The following TNFRSF10D variants were observed in gnomAD, a reference collection of about 807,000 sequenced individuals.
The protein encoded by TNFRSF10D is TNF receptor superfamily member 10d, also known as tumor necrosis factor receptor superfamily member 10D.
A neutral mutation model predicts 42.1 loss-of-function variants in TNFRSF10D; 28 were observed. The observed-to-expected ratio is 0.66, with a 90% CI of 0.49 to 0.91. TNFRSF10D has a LOEUF of 0.91. TNFRSF10D is among the 40% of genes least tolerant of loss of function. The probability of loss-of-function intolerance (pLI) is 0.00; values close to 1 mark genes in which losing one functional copy is unlikely to be tolerated. For missense variants in TNFRSF10D, 503 were observed against 486.1 expected (o/e 1.03, Z -0.33); for synonymous variants, 186 against 189.4 (o/e 0.98, Z 0.15).
At position 23,147,461 on chromosome 8, in the gene TNFRSF10D, C is replaced by T. The variant is rs930604965; in HGVS notation, c.371-389G>A. Among the ~76,000 whole-genome samples, 3 of 152,318 alleles carry T rather than the reference C, an allele frequency of 2.0e-5. No individual in the cohort carries two copies. In the East Asian group the frequency reaches 5.8e-4, roughly 29 times the overall value. On this transcript the variant is annotated intron_variant, in intron 3 of 8. Transcript: ENST00000312584. The stretch of plus-strand genomic sequence containing the variant: ...CTGAAGGCTAAGTGAGGCCAAGCAC[C>T]TTTCAGGAGCACAGAGCCCGGGAGG...
Position 23,150,002 on chromosome 8 carries a change from T to G in TNFRSF10D, c.257-1451A>C, listed in dbSNP as rs183056757. On this transcript the variant is annotated intron_variant, in intron 2 of 8. Transcript: ENST00000312584. The stretch of plus-strand genomic sequence containing the variant: ...AATCATCCAACATGTCCCTATGGAA[T>G]AAAGAACCAGAAAGTGCAGGAAACA... Among the ~76,000 whole-genome samples the G allele has an allele frequency of 8.7e-4, 132 of 152,190 alleles. No homozygotes were observed. The South Asian group carries it at 0.014, about 16-fold the overall frequency.
chr8:23,160,348 G>A (rs371532881), intron 1 of TNFRSF10D, among the ~76,000 whole-genome samples: 911 of 152,108 alleles, frequency 6.0e-3, no homozygotes, highest in African/African-American at 0.019. Flanking sequence ...CACAGGGAGG[G>A]GACTCCGAAG....
At chr8:23,158,075 T>C (rs146507825) in intron 1 of TNFRSF10D, among the ~76,000 whole-genome samples, 3,178 of 152,260 alleles carry the variant, frequency 0.021, 63 homozygotes, top group African/African-American at 0.071. Context: ...AGTCCGGCTG[T>C]GCACTGTTTC....
chr8:23,144,275 G>A (rs1335073719), intron 7 of TNFRSF10D, among the ~76,000 whole-genome samples, 175 bp downstream of exon 7: 8 of 152,196 alleles, frequency 5.3e-5, no homozygotes, highest in African/African-American at 1.7e-4. Flanking sequence ...CAGATGTCCT[G>A]CAGACTGGCA....
At chr8:23,161,910 C>CTCCA (rs1800372574) in intron 1 of TNFRSF10D, among the ~76,000 whole-genome samples, 1 of 152,132 alleles carries the variant, frequency 6.6e-6, no homozygotes, top group Non-Finnish European at 1.5e-5. Context: ...GCCCAATAAG[C>CTCCA]TGGTGCGCAT....
chr8:23,144,686 G>A (rs780606279), intron 6 of TNFRSF10D, 51 bp from the exon 7 acceptor site: 21 of 1,583,738 alleles, frequency 1.3e-5, no homozygotes, highest in Non-Finnish European at 1.8e-5. Context: ...CTCAGCTTCA[G>A]GGTCCCCAGT....
In TNFRSF10D at chr8:23,135,912, C is replaced by T; in HGVS notation, c.*1958G>A. 4 of 450,500 alleles carry T rather than the reference C, an allele frequency of 8.9e-6. No individual in the cohort carries two copies. The highest frequency in any genetic ancestry group is 1.8e-5 in the Non-Finnish European group (4 of 224,836). 27.9% of individuals were successfully genotyped at this position (450,500 alleles called of 1,614,324 possible). A position where few individuals can be genotyped will look rare whatever the true frequency, so the allele number is the denominator to read the frequency against. On this transcript the variant is annotated 3_prime_UTR_variant, in exon 9 of 9. Coordinates refer to ENST00000312584, the MANE Select transcript of TNFRSF10D (RefSeq NM_003840.5). ...CCCAGCAAAGGCAAAGACTAGGAGG[C>T]AGCAGCACCCTGTGTCATCCAGAAG... is the stretch of plus-strand genomic sequence containing the variant.
intron 1 of TNFRSF10D, among the ~76,000 whole-genome samples, chr8:23,158,977 T>C (rs924902063): frequency 2.6e-5 from 4 of 152,206 alleles, no homozygotes; most frequent in Non-Finnish European, 5.9e-5. Context: ...TTTGCTCCTA[T>C]GTCCCCAGCA....
intron 7 of TNFRSF10D, among the ~76,000 whole-genome samples, chr8:23,143,225 C>T (rs1800058117): frequency 6.6e-6 from 1 of 150,376 alleles, no homozygotes. Flanking sequence ...ATCCACCCTC[C>T]TCGGCCTCCC....
At chr8:23,145,342 C>G (rs1800099737) in intron 5 of TNFRSF10D, among the ~76,000 whole-genome samples, 1 of 152,228 alleles carries the variant, frequency 6.6e-6, no homozygotes, top group African/African-American at 2.4e-5. Flanking sequence ...ATCCCACGAC[C>G]ACTTCTCATC....
At chr8:23,152,299 C>G (rs973372096) in intron 2 of TNFRSF10D, among the ~76,000 whole-genome samples, 1 of 152,116 alleles carries the variant, frequency 6.6e-6, no homozygotes, top group Non-Finnish European at 1.5e-5. Context: ...CTATCCAGTC[C>G]GAGGACACTA....
At chr8:23,145,175 T>TG (rs1189586248) in intron 5 of TNFRSF10D, 86 bp from the exon 6 acceptor site, 2 of 1,565,444 alleles carry the variant, frequency 1.3e-6, no homozygotes, top group Non-Finnish European at 1.7e-6. Context: ...CAGGGCTGGC[T>TG]GGGGGCTGGG....
intron 1 of TNFRSF10D, among the ~76,000 whole-genome samples, chr8:23,159,047 C>A (rs115427225): frequency 4.1e-3 from 623 of 151,544 alleles, no homozygotes; most frequent in African/African-American, 0.013. Flanking sequence ...TGAGGAATCA[C>A]ATGGTATGCA....
intron 2 of TNFRSF10D, among the ~76,000 whole-genome samples, chr8:23,150,636 T>C (rs1465392885): frequency 2.0e-5 from 3 of 152,156 alleles, no homozygotes; most frequent in Non-Finnish European, 4.4e-5. Context: ...CTAGAGAATA[T>C]GGATAGACAA....
At chr8:23,162,074 T>C (rs7463789) in intron 1 of TNFRSF10D, among the ~76,000 whole-genome samples, 14,034 of 152,286 alleles carry the variant, frequency 0.092, 830 homozygotes, top group Middle Eastern at 0.17. Context: ...CTTACCCATG[T>C]AGTAAAATAC....
At chr8:23,155,063 A>T in intron 1 of TNFRSF10D, 84 bp from the exon 2 acceptor site, 1 of 1,111,436 alleles carries the variant, frequency 9.0e-7, no homozygotes, top group Non-Finnish European at 1.3e-6. Flanking sequence ...CTTCACCCCA[A>T]GTGACAAAAC....
chr8:23,154,991 A>G lies in TNFRSF10D; in HGVS notation c.151-12T>C. ...GAGTCAACCCGGACCTGTGGGGACAAGGCAGAGATGGGCTTGAGTGGCTTC... is the reference window on the plus strand; with the variant it reads ...GAGTCAACCCGGACCTGTGGGGACAGGGCAGAGATGGGCTTGAGTGGCTTC... On this transcript the variant is annotated splice_polypyrimidine_tract_variant and intron_variant, in intron 1 of 8. Coordinates refer to ENST00000312584, the MANE Select transcript of TNFRSF10D (RefSeq NM_003840.5). 1 of 1,598,906 alleles carries G rather than the reference A, an allele frequency of 6.3e-7. No homozygotes were observed. Among genetic ancestry groups the G allele is most frequent in the Non-Finnish European group, 8.5e-7 (1 of 1,173,006 alleles).
At position 23,135,818 on chromosome 8, in the gene TNFRSF10D, A is replaced by G; in HGVS notation, c.*2052T>C. On this transcript the variant is annotated 3_prime_UTR_variant, in exon 9 of 9. Transcript: ENST00000312584. ...GCATCTTCAAGGAAGGCCTCTGAGGAAGGGACAAAGGAGCTGGGACCGGAC... is the reference window on the plus strand; with the variant it reads ...GCATCTTCAAGGAAGGCCTCTGAGGGAGGGACAAAGGAGCTGGGACCGGAC... 1 of 440,400 alleles carries G rather than the reference A, an allele frequency of 2.3e-6. No individual in the cohort carries two copies. Among genetic ancestry groups the G allele is most frequent in the Admixed American group, 2.4e-5 (1 of 41,138 alleles). 27.3% of individuals were successfully genotyped at this position (440,400 alleles called of 1,614,324 possible).
chr8:23,150,935 A>G (rs1476503817), intron 2 of TNFRSF10D, among the ~76,000 whole-genome samples: 1 of 152,226 alleles, frequency 6.6e-6, no homozygotes, highest in Non-Finnish European at 1.5e-5. Flanking sequence ...AAGCAAAACA[A>G]TATATGCATT....
Sources: gnomAD v4.1 joint callset for allele counts (sites outside exome capture counted in the v4.1 genomes callset) on GRCh38, gnomAD v4.1.1 for gene constraint, MANE v1.5 for transcripts, NCBI Gene and HGNC (gene_info 2026-07-23, HGNC 2026-07-21) for gene names.